ACTL8: variants seen among roughly 807,000 people sequenced by gnomAD.
ACTL8 encodes actin-like protein 8.
In ACTL8, 3 loss-of-function variants were observed where a neutral mutation model predicts 9.3. The ratio of observed to expected loss-of-function variants is 0.32; its 90% confidence interval spans 0.15 to 0.83. The LOEUF (loss-of-function observed/expected upper bound fraction) is 0.83, where lower values mean the gene tolerates loss of function less well. Ranked by LOEUF, ACTL8 falls within the 40% of genes least tolerant of loss-of-function variation. The pLI, the probability that ACTL8 is intolerant of heterozygous loss-of-function variation, is 0.57. For missense variants in ACTL8, 381 were observed against 492.2 expected (o/e 0.77, Z 2.14); for synonymous variants, 224 against 205.9 (o/e 1.09, Z -0.75).
At chr1:17,803,755 G>T (rs1245613204) in intron 1 of ACTL8, among the ~76,000 whole-genome samples, 1 of 152,190 alleles carries the variant, frequency 6.6e-6, no homozygotes, top group East Asian at 1.9e-4. Context: ...TCAGCAGAAG[G>T]TCTCTATGAC....
chr1:17,780,982 A>G (rs1264268784), intron 1 of ACTL8, among the ~76,000 whole-genome samples: 1 of 152,078 alleles, frequency 6.6e-6, no homozygotes, highest in Non-Finnish European at 1.5e-5. Flanking sequence ...CTTGAGAGAA[A>G]TGTATTCTTT....
At chr1:17,783,335 GTTT>G (rs56666980) in intron 1 of ACTL8, among the ~76,000 whole-genome samples, 2 of 139,204 alleles carry the variant, frequency 1.4e-5, no homozygotes. Flanking sequence ...AAAAAGAGGA[GTTT>G]TTTTTTTTGT....
chr1:17,817,630 A>C (rs1329430932), intron 1 of ACTL8, among the ~76,000 whole-genome samples: 1 of 152,048 alleles, frequency 6.6e-6, no homozygotes, highest in East Asian at 1.9e-4. Context: ...AGAGGCCCTC[A>C]GGCACAAATC....
chr1:17,787,087 C>T (rs183049183), intron 1 of ACTL8, among the ~76,000 whole-genome samples: 1 of 152,262 alleles, frequency 6.6e-6, no homozygotes, highest in East Asian at 1.9e-4. Flanking sequence ...CCTAACCCTC[C>T]TTCAGTGACA....
intron 1 of ACTL8, among the ~76,000 whole-genome samples, chr1:17,792,210 G>C (rs1165188935): frequency 6.6e-6 from 1 of 152,206 alleles, no homozygotes; most frequent in African/African-American, 2.4e-5. Context: ...AAGTCTCGCT[G>C]CTCAGTACCT....
intron 1 of ACTL8, among the ~76,000 whole-genome samples, chr1:17,782,626 C>G (rs2066165102): frequency 6.6e-6 from 1 of 152,152 alleles, no homozygotes; most frequent in South Asian, 2.1e-4. Flanking sequence ...AACGTCTTTA[C>G]CAGCCACATA....
chr1:17,783,277 A>G (rs149313529), intron 1 of ACTL8, among the ~76,000 whole-genome samples: 89 of 152,100 alleles, frequency 5.9e-4, no homozygotes, highest in African/African-American at 1.9e-3. Flanking sequence ...AATCTTTCCC[A>G]TGCTGTTCCC....
rs372676968 is a variant in ACTL8 at position 17,757,511 on chromosome 1, A to G, written c.-25+2007A>G. On this transcript the variant is annotated intron_variant, in intron 1 of 2. Transcript: ENST00000375406. ...CCCCCACCCCAACTTATCAAGTGGA[A>G]ATACCTTTCCCTCCGCAGTGCTGGA... 1.6e-3 allele frequency among the ~76,000 whole-genome samples: 192 copies of G among 123,006 alleles called. 1 individual carries two copies. The highest frequency in any genetic ancestry group is 4.6e-3 in the African/African-American group (152 of 32,714). 80.7% of individuals were successfully genotyped at this position (123,006 alleles called of 152,430 possible). A position where few individuals can be genotyped will look rare whatever the true frequency, so the allele number is the denominator to read the frequency against.
chr1:17,793,602 T>G (rs1017320375), intron 1 of ACTL8, among the ~76,000 whole-genome samples: 2 of 152,180 alleles, frequency 1.3e-5, no homozygotes, highest in Non-Finnish European at 2.9e-5. Context: ...ACCCTTCCCC[T>G]ACAGCTTTTC....
chr1:17,780,326 T>G (rs1050074745), intron 1 of ACTL8, among the ~76,000 whole-genome samples: 4 of 152,170 alleles, frequency 2.6e-5, no homozygotes, highest in African/African-American at 9.7e-5. Context: ...GTGGGAGAAC[T>G]GAGGCTCAGA....
At chr1:17,773,985 T>C (rs538960453) in intron 1 of ACTL8, among the ~76,000 whole-genome samples, 10 of 152,282 alleles carry the variant, frequency 6.6e-5, no homozygotes, top group African/African-American at 2.4e-4. Flanking sequence ...GGGGTGGGCA[T>C]ACAGGTGGGT....
intron 1 of ACTL8, among the ~76,000 whole-genome samples, chr1:17,809,642 G>T (rs974619113): frequency 6.6e-6 from 1 of 152,030 alleles, no homozygotes; most frequent in African/African-American, 2.4e-5. Context: ...GAACCCTGTT[G>T]TGAACTGTGC....
chr1:17,763,827 G>A (rs568789547), intron 1 of ACTL8, among the ~76,000 whole-genome samples: 1 of 152,304 alleles, frequency 6.6e-6, no homozygotes, highest in African/African-American at 2.4e-5. Context: ...GTGTGCAGTG[G>A]GGGCTTCCGC....
chr1:17,756,950 A>G (rs1019897886), intron 1 of ACTL8, among the ~76,000 whole-genome samples: 3 of 152,100 alleles, frequency 2.0e-5, no homozygotes, highest in African/African-American at 7.2e-5. Flanking sequence ...ACCAGATACT[A>G]TGCTCTATTT....
At chr1:17,777,522 C>T (rs2066126399) in intron 1 of ACTL8, among the ~76,000 whole-genome samples, 4 of 152,156 alleles carry the variant, frequency 2.6e-5, no homozygotes, top group African/African-American at 2.4e-5. Flanking sequence ...AGACGGGGTG[C>T]TCATCTCCTG....
In ACTL8 at chr1:17,823,467, G is replaced by A; in HGVS notation, c.348+111G>A. 2.8e-6 allele frequency: 3 copies of A among 1,079,420 alleles called. No individual in the cohort carries two copies. The highest frequency in any genetic ancestry group is 3.9e-6 in the Non-Finnish European group (3 of 767,218). The allele number at this position is 1,079,420 out of a possible 1,614,324, so 66.9% of individuals were successfully genotyped here. A position where few individuals can be genotyped will look rare whatever the true frequency, so the allele number is the denominator to read the frequency against. ...CTTTTTAAGATAAATTGCCAACCAGGTGTGGTGGCTTATGCCTGTAATCCC... is the reference window on the plus strand; with the variant it reads ...CTTTTTAAGATAAATTGCCAACCAGATGTGGTGGCTTATGCCTGTAATCCC... On this transcript the variant is annotated intron_variant, in intron 2 of 2. Coordinates refer to ENST00000375406, the MANE Select transcript of ACTL8 (RefSeq NM_030812.3). The surrounding 1 kb of genome is among the most constrained non-coding windows in gnomAD (Gnocchi z 5.3).
chr1:17,775,696 G>T (rs186039118), intron 1 of ACTL8, among the ~76,000 whole-genome samples: 1 of 152,152 alleles, frequency 6.6e-6, no homozygotes, highest in Non-Finnish European at 1.5e-5. Context: ...TTCTTGAAAC[G>T]CTCTTGAGCT....
chr1:17,794,940 G>A (rs555678319), intron 1 of ACTL8, among the ~76,000 whole-genome samples: 2 of 152,330 alleles, frequency 1.3e-5, no homozygotes, highest in African/African-American at 4.8e-5. Context: ...GGAATCTGCT[G>A]ATGACATCTG....
intron 1 of ACTL8, among the ~76,000 whole-genome samples, chr1:17,799,120 A>G (rs2066301276): frequency 6.6e-6 from 1 of 152,064 alleles, no homozygotes; most frequent in Non-Finnish European, 1.5e-5. Context: ...AGCTTGGAGG[A>G]CGTGGTTTCT....
Sources: gnomAD v4.1 joint callset for allele counts (sites outside exome capture counted in the v4.1 genomes callset) on GRCh38, gnomAD v4.1.1 for gene constraint, Gnocchi (gnomAD v3.1) non-coding constraint, MANE v1.5 for transcripts, NCBI Gene and HGNC (gene_info 2026-07-23, HGNC 2026-07-21) for gene names.